OSTC: variants seen among roughly 807,000 people sequenced by gnomAD.
The protein encoded by OSTC is oligosaccharyltransferase complex subunit OSTC.
A neutral mutation model predicts 16.4 loss-of-function variants in OSTC; 16 were observed. That is an observed-to-expected ratio of 0.98 (90% CI 0.66 to 1.49). OSTC has a LOEUF of 1.49. Among genes scored for constraint, OSTC ranks in the 40% most tolerant of loss-of-function variants. OSTC has a pLI of 0.00. For synonymous variants in OSTC, 67 were observed against 68.5 expected, an observed-to-expected ratio of 0.98 and a Z score of 0.11; for missense variants, 139 against 186.3, an observed-to-expected ratio of 0.75 and a Z score of 1.48.
At chr4:108,666,374 C>A (rs767286546) in intron 3 of OSTC, among the ~76,000 whole-genome samples, 1 of 152,088 alleles carries the variant, frequency 6.6e-6, no homozygotes, top group Non-Finnish European at 1.5e-5. Flanking sequence ...TTCTTTACTT[C>A]CTTTTCTTAT....
chr4:108,652,951 A>G (rs1240364541), intron 1 of OSTC, among the ~76,000 whole-genome samples: 1 of 152,150 alleles, frequency 6.6e-6, no homozygotes, highest in East Asian at 1.9e-4. Context: ...AGGCAGGAGA[A>G]TTGCTTGTAC....
At chr4:108,661,104 G>A (rs1407007999) in intron 3 of OSTC, among the ~76,000 whole-genome samples, 1 of 151,510 alleles carries the variant, frequency 6.6e-6, no homozygotes, top group East Asian at 1.9e-4. Flanking sequence ...TGTAATCCCA[G>A]CTATTTGGGA....
intron 3 of OSTC, among the ~76,000 whole-genome samples, chr4:108,666,826 T>C (rs2060587): frequency 0.81 from 121,133 of 149,416 alleles, 49,317 homozygotes; most frequent in East Asian, 1. Flanking sequence ...GCCAACATGG[T>C]GAAAACCTGT....
intron 1 of OSTC, among the ~76,000 whole-genome samples, chr4:108,651,709 G>T (rs1726554905): frequency 6.6e-6 from 1 of 152,100 alleles, no homozygotes; most frequent in Admixed American, 6.5e-5. Flanking sequence ...TTTGGGAAGT[G>T]GTGTACTTAA....
At chr4:108,658,971 CT>C (rs766585998) in intron 3 of OSTC, among the ~76,000 whole-genome samples, 897 of 83,916 alleles carry the variant, frequency 0.011, 1 homozygote, top group African/African-American at 0.016. Flanking sequence ...GGCAGCAGCT[CT>C]TTTTTTTTTT....
At position 108,657,577 on chromosome 4, in the gene OSTC, C is replaced by A. The variant is rs753595081; in HGVS notation, c.361C>A (p.Leu121Met). 4.3e-6 allele frequency: 7 copies of A among 1,613,766 alleles called. No individual in the cohort carries two copies. The highest frequency in any genetic ancestry group is 5.9e-6 in the Non-Finnish European group (7 of 1,179,774). The change falls in exon 3 of 4, where the codon CTG becomes ATG. Residue 121 changes from leucine (L) to methionine (M), a missense_variant. Leu to Met is a conservative substitution (Grantham distance 15, BLOSUM62 2). Coordinates refer to ENST00000361564, the MANE Select transcript of OSTC (RefSeq NM_021227.4). ...CCCAAAACTCAATAGATTCCTTCTT[C>A]TGTTCATTGGATTCGTCTGTGTCCT... ...NIPKLNRFLL[L>M]FIGFVCVLLS...
intron 1 of OSTC, chr4:108,651,023 C>T: frequency 1.9e-6 from 1 of 515,002 alleles, no homozygotes; most frequent in East Asian, 3.3e-5. Context: ...CCTTTCTTCT[C>T]CTTCTAGCCC....
At position 108,657,612 on chromosome 4, in the gene OSTC, T is replaced by C. The variant is rs989919846; in HGVS notation, c.396T>C (p.Phe132=). The change falls in exon 3 of 4, where the codon TTT becomes TTC. Residue 132 remains phenylalanine (F), a synonymous_variant. Coordinates refer to ENST00000361564, the MANE Select transcript of OSTC (RefSeq NM_021227.4). The part of the protein sequence containing the change: ...FIGFVCVLLS[F]FMARVFMRMK... Reference sequence around the variant, plus strand: ...GATTCGTCTGTGTCCTATTGAGTTTTTTCATGGCTAGAGTATTCATGAGAA... The same window carrying C: ...GATTCGTCTGTGTCCTATTGAGTTTCTTCATGGCTAGAGTATTCATGAGAA... The C allele has an allele frequency of 6.2e-7, 1 of 1,613,710 alleles. No homozygotes were observed. Among genetic ancestry groups the C allele is most frequent in the Non-Finnish European group, 8.5e-7 (1 of 1,179,728 alleles).
chr4:108,661,912 TA>T (rs202212410), intron 3 of OSTC, among the ~76,000 whole-genome samples: 1 of 151,978 alleles, frequency 6.6e-6, no homozygotes, highest in East Asian at 1.9e-4. Flanking sequence ...AGCAGAATCT[TA>T]AAAAAAATAA....
chr4:108,656,307 A>G (rs1726700025), intron 2 of OSTC, among the ~76,000 whole-genome samples: 1 of 152,202 alleles, frequency 6.6e-6, no homozygotes, highest in Non-Finnish European at 1.5e-5. Flanking sequence ...CTATTTATGC[A>G]TAGAATATTT....
chr4:108,663,446 G>A (rs1483251980), intron 3 of OSTC: 8 of 306,796 alleles, frequency 2.6e-5, no homozygotes, highest in Admixed American at 9.7e-5. Flanking sequence ...CTCGTGATCC[G>A]CCTGCCACGG....
intron 2 of OSTC, among the ~76,000 whole-genome samples, chr4:108,656,983 C>T (rs1243195770): frequency 1.3e-5 from 2 of 151,302 alleles, no homozygotes; most frequent in African/African-American, 4.9e-5. Flanking sequence ...CCTGTAGTCC[C>T]AGCGATCTGG....
At chr4:108,657,242 C>T (rs549762035) in intron 2 of OSTC, among the ~76,000 whole-genome samples, 93 of 152,184 alleles carry the variant, frequency 6.1e-4, no homozygotes, top group African/African-American at 2.1e-3. Flanking sequence ...TCCCCCAGAA[C>T]CTAAAACAGT....
Position 108,657,521 on chromosome 4 carries a change from T to C in OSTC, c.305T>C (p.Ile102Thr). ...TTTACAATGGGAGGTTTAGGTTTCA[T>C]AATCCTGGACCGATCGAATGCACCA... ...FLFTMGGLGFIILDRSNAPNI... is the reference protein window; with the variant it reads ...FLFTMGGLGFTILDRSNAPNI... The change falls in exon 3 of 4, where the codon ATA becomes ACA. Residue 102 changes from isoleucine (I) to threonine (T), a missense_variant. Coordinates refer to ENST00000361564, the MANE Select transcript of OSTC (RefSeq NM_021227.4). 6.2e-7 allele frequency: 1 copy of C among 1,613,726 alleles called. No homozygotes were observed. Among genetic ancestry groups the C allele is most frequent in the South Asian group, 1.1e-5 (1 of 91,076 alleles).
In OSTC at chr4:108,657,446, C is replaced by T; in HGVS notation, c.234-4C>T. On this transcript the variant is annotated splice_region_variant and splice_polypyrimidine_tract_variant and intron_variant, in intron 2 of 3. Coordinates refer to ENST00000361564, the MANE Select transcript of OSTC (RefSeq NM_021227.4). ...CTTTCTATGGTCATTCTTTTCTTTTCCAGAGTAAATGGACAATATATTATG... is the reference window on the plus strand; with the variant it reads ...CTTTCTATGGTCATTCTTTTCTTTTTCAGAGTAAATGGACAATATATTATG... 1 of 1,602,358 alleles carries T rather than the reference C, an allele frequency of 6.2e-7. No homozygotes were observed. The highest frequency in any genetic ancestry group is 8.5e-7 in the Non-Finnish European group (1 of 1,171,406).
chr4:108,654,437 C>T (rs1444579564), intron 1 of OSTC, among the ~76,000 whole-genome samples: 1 of 152,082 alleles, frequency 6.6e-6, no homozygotes, highest in Non-Finnish European at 1.5e-5. Context: ...GAATAAAGTC[C>T]CTGAGAGTCC....
At chr4:108,662,801 A>G (rs1175181781) in intron 3 of OSTC, among the ~76,000 whole-genome samples, 1 of 152,260 alleles carries the variant, frequency 6.6e-6, no homozygotes, top group African/African-American at 2.4e-5. Flanking sequence ...AGAAACTAGC[A>G]GCTGGATTGT....
chr4:108,651,945 ATTACATTTAAATATTTGAG>A (rs1726564043), intron 1 of OSTC, among the ~76,000 whole-genome samples: 1 of 152,212 alleles, frequency 6.6e-6, no homozygotes, highest in South Asian at 2.1e-4. Context: ...ATTTAAATAA[ATTACATTTAAATATTTGAG>A]TTACATTTAA....
intron 1 of OSTC, chr4:108,651,259 G>A (rs1218792186): frequency 1.9e-5 from 3 of 158,358 alleles, no homozygotes; most frequent in African/African-American, 7.2e-5. Flanking sequence ...TCTTTGTCCT[G>A]GAATCTTGGA....
Sources: gnomAD v4.1 joint callset for allele counts (sites outside exome capture counted in the v4.1 genomes callset) on GRCh38, gnomAD v4.1.1 for gene constraint, MANE v1.5 for transcripts, NCBI Gene and HGNC (gene_info 2026-07-23, HGNC 2026-07-21) for gene names.